The following MN1 variants were observed in gnomAD, a reference collection of about 807,000 sequenced individuals.
MN1 encodes the protein transcriptional activator MN1.
Under a neutral mutation model 86.9 loss-of-function variants are expected in MN1, and 19 were observed. The ratio of observed to expected loss-of-function variants is 0.22; its 90% CI spans 0.15 to 0.32. MN1 has a LOEUF of 0.32. Among genes scored for constraint, MN1 ranks in the 10% least tolerant of loss-of-function variants. MN1 has a pLI of 1.00. For missense variants in MN1, 1,841 were observed against 1,862.0 expected (o/e 0.99, Z 0.21); for synonymous variants, 928 against 849.6 (o/e 1.09, Z -1.60).
Position 27,801,697 on chromosome 22 carries a change from G to A in MN1, c.-1154C>T, listed in dbSNP as rs929916918. Among the ~76,000 whole-genome samples, 10 of 152,212 alleles carry A rather than the reference G, an allele frequency of 6.6e-5. No individual in the cohort carries two copies. Among genetic ancestry groups the A allele is most frequent in the African/African-American group, 2.4e-4 (10 of 41,466 alleles). On this transcript the variant is annotated 5_prime_UTR_variant, in exon 1 of 2. Transcript: ENST00000302326. The stretch of plus-strand genomic sequence containing the variant: ...GGGGGGGCTCTGCGTGGGGCGTTCC[G>A]AGGGTCTCGGCTCCCCTCTCTGTGT...
rs1293936073 is a variant in MN1, at chr22:27,749,250, A to C, written c.*1665T>G. 4.3e-6 allele frequency: 1 copy of C among 231,148 alleles called. No individual in the cohort carries two copies. Among genetic ancestry groups the C allele is most frequent in the Non-Finnish European group, 8.6e-6 (1 of 116,830 alleles). The allele number at this position is 231,148 out of a possible 1,614,324, so 14.3% of individuals were successfully genotyped here. A position where few individuals can be genotyped will look rare whatever the true frequency, so the allele number is the denominator to read the frequency against. On this transcript the variant is annotated 3_prime_UTR_variant, in exon 2 of 2. Transcript: ENST00000302326. Reference sequence around the variant, plus strand: ...CGCTGAAAAGTTCTTTGAAATAAACAACGTGGGTGTTGTATGGTGAGCCCA... The same window carrying C: ...CGCTGAAAAGTTCTTTGAAATAAACCACGTGGGTGTTGTATGGTGAGCCCA...
intron 1 of MN1, among the ~76,000 whole-genome samples, chr22:27,778,869 G>A (rs191662913): frequency 3.3e-5 from 5 of 152,224 alleles, no homozygotes; most frequent in African/African-American, 9.6e-5. Flanking sequence ...AGACCACAGC[G>A]GCCCAGGCAA....
intron 1 of MN1, among the ~76,000 whole-genome samples, chr22:27,758,078 G>A (rs944885256): frequency 9.9e-5 from 15 of 151,914 alleles, no homozygotes; most frequent in African/African-American, 3.4e-4. Flanking sequence ...CTGTCAGCTG[G>A]GGGAGTTTCC....
At chr22:27,790,531 A>C (rs1003664304) in intron 1 of MN1, among the ~76,000 whole-genome samples, 4 of 152,200 alleles carry the variant, frequency 2.6e-5, no homozygotes, top group African/African-American at 9.6e-5. Context: ...GCTGTTCTGC[A>C]TCAGGACACA....
At chr22:27,769,673 C>T (rs1483227781) in intron 1 of MN1, among the ~76,000 whole-genome samples, 2 of 149,274 alleles carry the variant, frequency 1.3e-5, no homozygotes, top group South Asian at 2.1e-4. Flanking sequence ...CTTGCCTCAG[C>T]CTCCCGAGTA....
At position 27,750,738 on chromosome 22, in the gene MN1, A is replaced by T; in HGVS notation, c.*177T>A. On this transcript the variant is annotated 3_prime_UTR_variant, in exon 2 of 2. Transcript: ENST00000302326. ...TTTGAGGTTCCCCCCCTTTAAATTA[A>T]CCCTTTCCGGTCCATATGCCACTAA... 2.1e-6 allele frequency: 1 copy of T among 480,602 alleles called. No individual in the cohort carries two copies. The highest frequency in any genetic ancestry group is 3.6e-6 in the Non-Finnish European group (1 of 281,526). 29.8% of individuals were successfully genotyped at this position (480,602 alleles called of 1,614,324 possible).
At chr22:27,783,482 G>C (rs1473174539) in intron 1 of MN1, among the ~76,000 whole-genome samples, 1 of 152,130 alleles carries the variant, frequency 6.6e-6, no homozygotes, top group Non-Finnish European at 1.5e-5. Context: ...TTAAGACCCA[G>C]TTCTGGTCTG....
At chr22:27,761,076 G>A (rs1361778574) in intron 1 of MN1, among the ~76,000 whole-genome samples, 1 of 152,150 alleles carries the variant, frequency 6.6e-6, no homozygotes, top group Non-Finnish European at 1.5e-5. Flanking sequence ...GTCACAGTGT[G>A]TGGTTTTTAT....
rs952829953 is a variant in MN1 at position 27,801,311 on chromosome 22, C to G, written c.-768G>C. ...CCGAGGGTCGGGGAAAGGCGCGGCT[C>G]CTCTGCTCGGCAGCGGGTGCGCTGC... is the stretch of plus-strand genomic sequence containing the variant. On this transcript the variant is annotated 5_prime_UTR_variant, in exon 1 of 2. Transcript: ENST00000302326. The G allele has an allele frequency of 3.7e-5, 7 of 190,106 alleles. No individual in the cohort carries two copies. Among genetic ancestry groups the G allele is most frequent in the Non-Finnish European group, 5.9e-5 (6 of 101,008 alleles). 11.8% of individuals were successfully genotyped at this position (190,106 alleles called of 1,614,324 possible). A position where few individuals can be genotyped will look rare whatever the true frequency, so the allele number is the denominator to read the frequency against.
intron 1 of MN1, among the ~76,000 whole-genome samples, chr22:27,784,375 C>CA (rs1397516717): frequency 2.0e-5 from 3 of 152,186 alleles, no homozygotes; most frequent in African/African-American, 7.2e-5. Flanking sequence ...ATTTCAGCCT[C>CA]AATGTGGATG....
chr22:27,767,642 G>T (rs139623426), intron 1 of MN1, among the ~76,000 whole-genome samples: 31 of 152,220 alleles, frequency 2.0e-4, no homozygotes, highest in African/African-American at 7.5e-4. Context: ...CCTGAGACTG[G>T]ACCTACAGGG....
chr22:27,761,519 C>T (rs529756787), intron 1 of MN1, among the ~76,000 whole-genome samples: 1 of 152,242 alleles, frequency 6.6e-6, no homozygotes, highest in Non-Finnish European at 1.5e-5. Flanking sequence ...ACAGCCCCCG[C>T]CCCTTAACGT....
At position 27,749,619 on chromosome 22, in the gene MN1, G is replaced by C. The variant is rs1022711026; in HGVS notation, c.*1296C>G. 7.3e-5 allele frequency: 17 copies of C among 231,898 alleles called. No homozygotes were observed. The highest frequency in any genetic ancestry group is 3.3e-4 in the African/African-American group (15 of 45,258). 14.4% of individuals were successfully genotyped at this position (231,898 alleles called of 1,614,324 possible). On this transcript the variant is annotated 3_prime_UTR_variant, in exon 2 of 2. Transcript: ENST00000302326. ...GGGACATGGCTCTAGTTTTGCAACA[G>C]GGTGAGATTCCAAAAAAATGTTGGG...
chr22:27,800,778 CG>C lies in MN1; in HGVS notation c.-236del. 1 of 582,782 alleles carries C rather than the reference CG, an allele frequency of 1.7e-6. No individual in the cohort carries two copies. Among genetic ancestry groups the C allele is most frequent in the Non-Finnish European group, 3.0e-6 (1 of 333,486 alleles). The allele number at this position is 582,782 out of a possible 1,614,324, so 36.1% of individuals were successfully genotyped here. A position where few individuals can be genotyped will look rare whatever the true frequency, so the allele number is the denominator to read the frequency against. The stretch of plus-strand genomic sequence containing the variant: ...GGGCCTCTCACATCTTGCGAGGCCG[CG>C]GGGCCTCTAGGAGCCGTGTTGGGGG... On this transcript the variant is annotated 5_prime_UTR_variant, in exon 1 of 2. An upstream open reading frame in the 5' UTR loses its in-frame stop. Coordinates refer to ENST00000302326, the MANE Select transcript of MN1 (RefSeq NM_002430.3).
At position 27,799,076 on chromosome 22, in the gene MN1, C is replaced by A. The variant is rs1568985446; in HGVS notation, c.1468G>T (p.Ala490Ser). ...GALDNHLSPS[A>S]YPGLPGEFTP... is the part of the protein sequence containing the mutation. ...AACTCGCCGGGTAGGCCTGGGTAGGCGGAAGGGGAGAGGTGATTATCCAGA... is the reference window on the plus strand; with the variant it reads ...AACTCGCCGGGTAGGCCTGGGTAGGAGGAAGGGGAGAGGTGATTATCCAGA... The change falls in exon 1 of 2, where the codon GCC becomes TCC. Residue 490 changes from alanine to serine, a missense_variant. Ala to Ser is a moderately conservative substitution (Grantham distance 99, BLOSUM62 1). Coordinates refer to ENST00000302326, the MANE Select transcript of MN1 (RefSeq NM_002430.3). 1.2e-6 allele frequency: 2 copies of A among 1,608,644 alleles called. No homozygotes were observed. The highest frequency in any genetic ancestry group is 1.7e-6 in the Non-Finnish European group (2 of 1,176,632).
In MN1 at chr22:27,761,937, G is replaced by T. The variant is rs559691889; in HGVS notation, c.3782-10841C>A. ...CATCGGAACCCGGCTGCCAGGAGCT[G>T]GGGGCAGGACCGGGGAATGCGGGGG... On this transcript the variant is annotated intron_variant, in intron 1 of 1. Coordinates refer to ENST00000302326, the MANE Select transcript of MN1 (RefSeq NM_002430.3). Among the ~76,000 whole-genome samples the T allele has an allele frequency of 3.3e-5, 5 of 152,358 alleles. No homozygotes were observed. The South Asian group carries it at 1.0e-3, about 32-fold the overall frequency.
intron 1 of MN1, among the ~76,000 whole-genome samples, chr22:27,786,703 T>G (rs1376000449): frequency 2.6e-5 from 4 of 152,122 alleles, no homozygotes; most frequent in African/African-American, 9.7e-5. Context: ...ACGACTGGGC[T>G]TTTTCTCCCT....
chr22:27,799,042 G>C lies in MN1; in HGVS notation c.1502C>G (p.Pro501Arg), dbSNP rs1431698444. ...YPGLPGEFTP[P>R]VPDSFPSGPP... ...CCCCGAAGGGAAGCTGTCGGGCACA[G>C]GCGGTGTGAACTCGCCGGGTAGGCC... is the stretch of plus-strand genomic sequence containing the variant. The change falls in exon 1 of 2, where the codon CCT becomes CGT. Residue 501 changes from proline (P) to arginine (R), a missense_variant. By Grantham distance (103) the Pro-to-Arg change is moderately radical (BLOSUM62 -2). Transcript: ENST00000302326. 1.2e-6 allele frequency: 2 copies of C among 1,611,882 alleles called. No homozygotes were observed. The highest frequency in any genetic ancestry group is 1.1e-5 in the South Asian group (1 of 90,910).
Position 27,749,087 on chromosome 22 carries a change from T to C in MN1, c.*1828A>G, listed in dbSNP as rs1932732444. ...CATGCCACCTGCTTTGTCTGCCCTC[T>C]GAAGGCGGGGTTTGCTCCTCGTCAA... On this transcript the variant is annotated 3_prime_UTR_variant, in exon 2 of 2. Transcript: ENST00000302326. The C allele has an allele frequency of 8.6e-6, 2 of 231,814 alleles. No individual in the cohort carries two copies. Among genetic ancestry groups the C allele is most frequent in the African/African-American group, 4.4e-5 (2 of 45,266 alleles). The allele number at this position is 231,814 out of a possible 1,614,324, so 14.4% of individuals were successfully genotyped here. A position where few individuals can be genotyped will look rare whatever the true frequency, so the allele number is the denominator to read the frequency against.
Sources: gnomAD v4.1 joint callset for allele counts (sites outside exome capture counted in the v4.1 genomes callset) on GRCh38, gnomAD v4.1.1 for gene constraint, MANE v1.5 for transcripts, NCBI Gene and HGNC (gene_info 2026-07-23, HGNC 2026-07-21) for gene names.